The following ATP8B2 variants were observed in gnomAD, a reference collection of about 807,000 sequenced individuals.
The protein encoded by ATP8B2 is phospholipid-transporting ATPase ID.
A neutral mutation model predicts 133.4 loss-of-function variants in ATP8B2; 70 were observed. That is an observed-to-expected ratio of 0.52 (90% CI 0.43 to 0.64). ATP8B2 has a LOEUF of 0.64. Ranked by LOEUF, ATP8B2 falls within the 30% of genes least tolerant of loss-of-function variation. ATP8B2 has a pLI of 0.00. For missense variants in ATP8B2, 1,101 were observed against 1,535.7 expected (o/e 0.72, Z 4.73); for synonymous variants, 517 against 589.5 (o/e 0.88, Z 1.78).
intron 14 of ATP8B2, 53 bp from the exon 15 acceptor site, chr1:154,342,743 G>C: frequency 6.3e-7 from 1 of 1,587,294 alleles, no homozygotes; most frequent in South Asian, 1.1e-5. Context: ...ACCCTTCCCC[G>C]GGATGCAGCC....
chr1:154,345,657 CTT>C lies in ATP8B2; in HGVS notation c.2694+113_2694+114del. On this transcript the variant is annotated intron_variant, in intron 23 of 27. Transcript: ENST00000368489. The surrounding 1 kb of genome is among the most constrained non-coding windows in gnomAD (Gnocchi z 5.6). Reference sequence around the variant, plus strand: ...GCCTAGCTATTTTCTGGTACATACTCTTAAAAAATGCTTATTAAAGGAGGAGA... The same window carrying C: ...GCCTAGCTATTTTCTGGTACATACTCAAAAAATGCTTATTAAAGGAGGAGA... 1 of 1,321,436 alleles carries C rather than the reference CTT, an allele frequency of 7.6e-7. No homozygotes were observed. The highest frequency in any genetic ancestry group is 1.1e-6 in the Non-Finnish European group (1 of 938,244). The allele number at this position is 1,321,436 out of a possible 1,614,324, so 81.9% of individuals were successfully genotyped here. A position where few individuals can be genotyped will look rare whatever the true frequency, so the allele number is the denominator to read the frequency against.
In ATP8B2 at chr1:154,332,032, G is replaced by T. The variant is rs1291065341; in HGVS notation, c.509+8G>T. ...GACAGCAGAACTTGATGGGTAAGTG[G>T]CATGCTCAGTGTCAGCCCTCTCCTT... On this transcript the variant is annotated splice_region_variant and intron_variant, in intron 8 of 27. Coordinates refer to ENST00000368489, the MANE Select transcript of ATP8B2 (RefSeq NM_001370597.1). 1 of 1,611,484 alleles carries T rather than the reference G, an allele frequency of 6.2e-7. No homozygotes were observed. The highest frequency in any genetic ancestry group is 8.5e-7 in the Non-Finnish European group (1 of 1,177,680).
At position 154,345,357 on chromosome 1, in the gene ATP8B2, G is replaced by C. The variant is rs1014713983; in HGVS notation, c.2506G>C (p.Gly836Arg). The change falls in exon 23 of 28, where the codon GGG (glycine) becomes CGG (arginine). Residue 836 changes from glycine (G) to arginine (R), a missense_variant. Gly to Arg is a moderately radical substitution (Grantham distance 125). Coordinates refer to ENST00000368489, the MANE Select transcript of ATP8B2 (RefSeq NM_001370597.1). This position sits in a 1 kb window ranked among gnomAD's most constrained non-coding sequence, Gnocchi z 5.6. ...TGGTGTGGGGATCAGTGGGCAGGAA[G>C]GGATCCAGGCTGTCTTGGCCTCCGA... ...HIGVGISGQE[G>R]IQAVLASDYS... 1.2e-6 allele frequency: 2 copies of C among 1,614,168 alleles called. No homozygotes were observed. Among genetic ancestry groups the C allele is most frequent in the Non-Finnish European group, 1.7e-6 (2 of 1,180,042 alleles).
intron 26 of ATP8B2, among the ~76,000 whole-genome samples, chr1:154,347,706 C>T (rs1225295428): frequency 1.3e-5 from 2 of 151,948 alleles, no homozygotes; most frequent in South Asian, 2.1e-4. Flanking sequence ...TTTGGGAGGC[C>T]GAGGTAGGCG....
At chr1:154,327,914 G>C (rs918386137) in intron 1 of ATP8B2, 191 bp from the exon 2 acceptor site, 5 of 1,580,094 alleles carry the variant, frequency 3.2e-6, no homozygotes, top group Non-Finnish European at 4.4e-6. Context: ...GCAGGGGCAT[G>C]ATGGGAGGTG....
At chr1:154,329,964 C>T (rs1558267517) in intron 2 of ATP8B2, among the ~76,000 whole-genome samples, 1 of 152,134 alleles carries the variant, frequency 6.6e-6, no homozygotes, top group Non-Finnish European at 1.5e-5. Context: ...AGGGAGAGAG[C>T]AGTACCGCGA....
chr1:154,350,219 A>T lies in ATP8B2; in HGVS notation c.*1101A>T, dbSNP rs1404992819. ...CTCCTGAGTAGCTGGGATTACAGGC[A>T]CACACCACCACGCTTGGTTAATTTT... is the stretch of plus-strand genomic sequence containing the variant. On this transcript the variant is annotated 3_prime_UTR_variant, in exon 28 of 28. Coordinates refer to ENST00000368489, the MANE Select transcript of ATP8B2 (RefSeq NM_001370597.1). The T allele has an allele frequency of 6.6e-6, 1 of 151,888 alleles. No individual in the cohort carries two copies. Among genetic ancestry groups the T allele is most frequent in the Non-Finnish European group, 1.5e-5 (1 of 68,036 alleles). 9.4% of individuals were successfully genotyped at this position (151,888 alleles called of 1,614,324 possible).
At chr1:154,337,661 C>A in intron 12 of ATP8B2, 117 bp downstream of exon 12, 1 of 1,605,856 alleles carries the variant, frequency 6.2e-7, no homozygotes, top group Non-Finnish European at 8.5e-7. Flanking sequence ...TCTTCCTGTA[C>A]TGTAAACATT....
At chr1:154,332,966 GAAT>G (rs1227229067) in intron 9 of ATP8B2, among the ~76,000 whole-genome samples, 1 of 152,104 alleles carries the variant, frequency 6.6e-6, no homozygotes, top group African/African-American at 2.4e-5. Flanking sequence ...TATTAGCTCA[GAAT>G]AATAATATGT....
In ATP8B2 at chr1:154,328,256, A is replaced by C; in HGVS notation, c.31+84A>C. ...TCAGGGAGCAAAAGGAAAAGGGACA[A>C]CTGGTATGGGTCTGAGGGAGGGTAG... is the stretch of plus-strand genomic sequence containing the variant. On this transcript the variant is annotated intron_variant, in intron 2 of 27. Transcript: ENST00000368489. This position sits in a 1 kb window ranked among gnomAD's most constrained non-coding sequence, Gnocchi z 4.6. The C allele has an allele frequency of 7.1e-7, 1 of 1,415,850 alleles. No homozygotes were observed. Among genetic ancestry groups the C allele is most frequent in the Non-Finnish European group, 1.0e-6 (1 of 1,001,810 alleles). 87.7% of individuals were successfully genotyped at this position (1,415,850 alleles called of 1,614,324 possible). A position where few individuals can be genotyped will look rare whatever the true frequency, so the allele number is the denominator to read the frequency against.
chr1:154,329,532 C>T (rs1166992714), intron 2 of ATP8B2, among the ~76,000 whole-genome samples: 2 of 152,072 alleles, frequency 1.3e-5, no homozygotes, highest in Non-Finnish European at 2.9e-5. Context: ...GCTCCTTGTT[C>T]TGGGACATGA....
In ATP8B2 at chr1:154,339,508, T is replaced by A. The variant is rs57849897; in HGVS notation, c.1035-1346T>A. On this transcript the variant is annotated intron_variant, in intron 12 of 27. Transcript: ENST00000368489. ...ACTCCCTTCTGCATTACTATTTAAATGCCTTTGTGCTTACAACCTAATTTT... is the reference window on the plus strand; with the variant it reads ...ACTCCCTTCTGCATTACTATTTAAAAGCCTTTGTGCTTACAACCTAATTTT... Among the ~76,000 whole-genome samples, 1,410 of 152,356 alleles carry A rather than the reference T, an allele frequency of 9.3e-3. 29 individuals carry two copies. Among genetic ancestry groups the A allele is most frequent in the African/African-American group, 0.032 (1,332 of 41,588 alleles).
rs908567908 is a variant in ATP8B2 at position 154,334,016 on chromosome 1, C to T, written c.590-91C>T. The stretch of plus-strand genomic sequence containing the variant: ...GGATGGGCCCTTGCCCTTGCATCCT[C>T]TTCGCTCAGCTCATTTTCTCTTTGT... On this transcript the variant is annotated intron_variant, in intron 9 of 27. Transcript: ENST00000368489. The surrounding 1 kb of genome is among the most constrained non-coding windows in gnomAD (Gnocchi z 4.6). The T allele has an allele frequency of 4.1e-5, 61 of 1,495,706 alleles. 1 individual carries two copies. The Middle Eastern group carries it at 7.0e-4, about 17-fold the overall frequency. The allele number at this position is 1,495,706 out of a possible 1,614,324, so 92.7% of individuals were successfully genotyped here. A position where few individuals can be genotyped will look rare whatever the true frequency, so the allele number is the denominator to read the frequency against.
Position 154,349,208 on chromosome 1 carries a change from C to A in ATP8B2, c.*90C>A. ...ACAGCGTCTCGGAACTGCTGGTCCT[C>A]ATTCCTTGCTTCCCGTCCCCCCGGT... On this transcript the variant is annotated 3_prime_UTR_variant, in exon 28 of 28. Coordinates refer to ENST00000368489, the MANE Select transcript of ATP8B2 (RefSeq NM_001370597.1). The A allele has an allele frequency of 6.8e-7, 1 of 1,476,388 alleles. No homozygotes were observed. The highest frequency in any genetic ancestry group is 9.1e-7 in the Non-Finnish European group (1 of 1,094,110). The allele number at this position is 1,476,388 out of a possible 1,614,324, so 91.5% of individuals were successfully genotyped here. A position where few individuals can be genotyped will look rare whatever the true frequency, so the allele number is the denominator to read the frequency against.
At chr1:154,330,525 T>C (rs1685948166) in intron 3 of ATP8B2, 71 bp downstream of exon 3, 13 of 1,531,576 alleles carry the variant, frequency 8.5e-6, no homozygotes, top group East Asian at 2.3e-5. Context: ...CAACCTACCG[T>C]TGGGACTGAG....
intron 1 of ATP8B2, among the ~76,000 whole-genome samples, 168 bp downstream of exon 1, chr1:154,325,870 G>T (rs1489529398): frequency 6.6e-6 from 1 of 152,178 alleles, no homozygotes; most frequent in Non-Finnish European, 1.5e-5. Context: ...GGGGATGGCG[G>T]CCGACTGGAG....
Position 154,331,046 on chromosome 1 carries a change from A to T in ATP8B2, c.205-2A>T. The T allele has an allele frequency of 6.2e-7, 1 of 1,613,314 alleles. No homozygotes were observed. The highest frequency in any genetic ancestry group is 8.5e-7 in the Non-Finnish European group (1 of 1,179,376). On this transcript the variant is annotated splice_acceptor_variant, in intron 4 of 27. Coordinates refer to ENST00000368489, the MANE Select transcript of ATP8B2 (RefSeq NM_001370597.1). LOFTEE classifies it high-confidence loss of function. This position sits in a 1 kb window ranked among gnomAD's most constrained non-coding sequence, Gnocchi z 4.8. ...AGGCATACTTCTCTTTCTTTTTTTC[A>T]GTTGATCCCCCAGATCTCTTCCCTG...
At chr1:154,326,145 A>T (rs1225524434) in intron 1 of ATP8B2, among the ~76,000 whole-genome samples, 6 of 151,980 alleles carry the variant, frequency 3.9e-5, no homozygotes, top group African/African-American at 1.5e-4. Context: ...GCCTGAGGAA[A>T]ACTGAGGGTG....
chr1:154,344,088 C>T lies in ATP8B2; in HGVS notation c.1923+31C>T, dbSNP rs200709476. On this transcript the variant is annotated intron_variant, in intron 18 of 27. Coordinates refer to ENST00000368489, the MANE Select transcript of ATP8B2 (RefSeq NM_001370597.1). The surrounding 1 kb of genome is among the most constrained non-coding windows in gnomAD (Gnocchi z 4.1). ...GGCTGCGGGACGGGCCAAGGATGGG[C>T]ACGGAGGGCTCATGCCTGCAATTCT... is the stretch of plus-strand genomic sequence containing the variant. The T allele has an allele frequency of 7.0e-4, 1,123 of 1,614,118 alleles. 19 individuals are homozygous for T. In the South Asian group the frequency reaches 0.012, roughly 17 times the overall value.
Sources: allele counts gnomAD v4.1 joint callset (sites outside exome capture counted in the v4.1 genomes callset), GRCh38; gene constraint gnomAD v4.1.1; non-coding constraint Gnocchi (gnomAD v3.1); transcripts MANE v1.5; gene names NCBI Gene and HGNC (gene_info 2026-07-23, HGNC 2026-07-21).